TMA16: variants seen among roughly 807,000 people sequenced by gnomAD.
TMA16 encodes the protein translation machinery associated 16 homolog.
In TMA16, 26 loss-of-function variants were observed where a neutral mutation model predicts 27.1. That is an observed-to-expected ratio of 0.96 (90% CI 0.70 to 1.33). The LOEUF (loss-of-function observed/expected upper bound fraction) is 1.33. TMA16 is among the 40% of genes most tolerant of loss of function. The pLI is 0.00. For synonymous variants in TMA16, 71 were observed against 81.9 expected, an observed-to-expected ratio of 0.87 and a Z score of 0.72; for missense variants, 233 against 241.4, an observed-to-expected ratio of 0.97 and a Z score of 0.23.
chr4:163,508,529 A>G (rs1392210889), intron 2 of TMA16, among the ~76,000 whole-genome samples: 1 of 152,190 alleles, frequency 6.6e-6, no homozygotes. Context: ...TAACTTTTGT[A>G]TATGTTTGGT....
intron 5 of TMA16, 57 bp downstream of exon 5, chr4:163,515,518 A>ATTGATTTCAAAGGT (rs1359547396): frequency 6.8e-6 from 10 of 1,460,708 alleles, no homozygotes; most frequent in Non-Finnish European, 8.2e-6. Context: ...TCAATTTGTG[A>ATTGATTTCAAAGGT]TTGATTTCAA....
intron 1 of TMA16, among the ~76,000 whole-genome samples, chr4:163,495,166 G>A (rs1487171300): frequency 6.6e-6 from 1 of 152,172 alleles, no homozygotes; most frequent in Non-Finnish European, 1.5e-5. Context: ...ACACACCTCT[G>A]CCTCTCTGGC....
rs560458426 is a variant in TMA16 at position 163,515,689 on chromosome 4, C to T, written c.388+228C>T. On this transcript the variant is annotated intron_variant, in intron 5 of 6. Coordinates refer to ENST00000358572, the MANE Select transcript of TMA16 (RefSeq NM_018352.3). ...TGATGTGACATCATGTCTTTTTTAC[C>T]GTGATAGTAATACTGATTACTTTCA... 32 of 453,446 alleles carry T rather than the reference C, an allele frequency of 7.1e-5. 1 individual carries two copies. Among genetic ancestry groups the T allele is most frequent in the South Asian group, 1.6e-4 (6 of 38,016 alleles). 28.1% of individuals were successfully genotyped at this position (453,446 alleles called of 1,614,324 possible).
At chr4:163,517,400 T>C (rs762505962) in intron 5 of TMA16, 34 bp from the exon 6 acceptor site, 1 of 1,572,072 alleles carries the variant, frequency 6.4e-7, no homozygotes. Context: ...TTAGAAAACA[T>C]TGCCTCATGG....
intron 5 of TMA16, chr4:163,517,177 C>T (rs1737893220): frequency 2.5e-6 from 1 of 401,334 alleles, no homozygotes; most frequent in Admixed American, 4.3e-5. Context: ...GCTGGGATTA[C>T]AGGCATGAGC....
chr4:163,500,729 A>G (rs1737638307), intron 1 of TMA16, among the ~76,000 whole-genome samples: 1 of 152,186 alleles, frequency 6.6e-6, no homozygotes, highest in African/African-American at 2.4e-5. Flanking sequence ...CCAGGCCAAC[A>G]AGAAAATCTG....
At chr4:163,517,623 T>A in intron 6 of TMA16, 147 bp downstream of exon 6, 1 of 656,804 alleles carries the variant, frequency 1.5e-6, no homozygotes, top group East Asian at 2.9e-5. Context: ...AGTAAGAATT[T>A]TCTGAAGTTG....
chr4:163,514,053 C>G, intron 3 of TMA16, 21 bp from the exon 4 acceptor site: 2 of 1,571,602 alleles, frequency 1.3e-6, no homozygotes, highest in Non-Finnish European at 1.7e-6. Context: ...GGTAAACTGT[C>G]TTGGTACTTG....
chr4:163,517,566 T>C (rs1396064128), intron 6 of TMA16, 90 bp downstream of exon 6: 10 of 1,214,286 alleles, frequency 8.2e-6, no homozygotes, highest in Non-Finnish European at 1.2e-5. Flanking sequence ...CCGGTAGAAC[T>C]AAAAGAAAAT....
chr4:163,498,019 A>G (rs941255811), intron 1 of TMA16, among the ~76,000 whole-genome samples: 2 of 152,166 alleles, frequency 1.3e-5, no homozygotes, highest in African/African-American at 4.8e-5. Context: ...GGTATACTGG[A>G]CACCTTAGTC....
At chr4:163,512,880 GA>G (rs756731909) in intron 3 of TMA16, 21 bp downstream of exon 3, 1 of 1,598,028 alleles carries the variant, frequency 6.3e-7, no homozygotes. Context: ...TTACTTATTT[GA>G]AACTCTGGCT....
intron 1 of TMA16, among the ~76,000 whole-genome samples, chr4:163,505,823 C>A (rs148371770): frequency 6.6e-6 from 1 of 152,146 alleles, no homozygotes; most frequent in African/African-American, 2.4e-5. Context: ...GAAGAAAGGA[C>A]TAGTGGGGAG....
At position 163,519,437 on chromosome 4, in the gene TMA16, G is replaced by A. The variant is rs371690569; in HGVS notation, c.535G>A (p.Val179Ile). ...GTGCAAGAGGAAAACTATTATAACT[G>A]TAGACCAAGATTTGGGGGAATTGGA... ...KTCKRKTIIT[V>I]DQDLGELELN... The change falls in exon 7 of 7, where the codon GTA (valine) becomes ATA (isoleucine). Residue 179 changes from valine (V) to isoleucine (I), a missense_variant. By Grantham distance (29) the Val-to-Ile change is conservative. Transcript: ENST00000358572. 6.2e-7 allele frequency: 1 copy of A among 1,606,270 alleles called. No homozygotes were observed. The highest frequency in any genetic ancestry group is 1.3e-5 in the African/African-American group (1 of 74,446).
intron 4 of TMA16, among the ~76,000 whole-genome samples, chr4:163,514,846 G>A (rs1239457880): frequency 4.6e-5 from 7 of 152,164 alleles, no homozygotes; most frequent in Non-Finnish European, 1.0e-4. Flanking sequence ...AGATTCCAAA[G>A]AAATTAAGAA....
chr4:163,507,998 A>G (rs561399803), intron 2 of TMA16, among the ~76,000 whole-genome samples: 1 of 152,178 alleles, frequency 6.6e-6, no homozygotes, highest in Non-Finnish European at 1.5e-5. Context: ...CTAGAAGGAA[A>G]TAAGTGTTGT....
chr4:163,498,938 C>T (rs541134109), intron 1 of TMA16, among the ~76,000 whole-genome samples: 20 of 152,164 alleles, frequency 1.3e-4, no homozygotes, highest in Non-Finnish European at 2.8e-4. Context: ...AGATAGTGGG[C>T]AGAAGCCACT....
chr4:163,516,164 GT>G (rs1189901712), intron 5 of TMA16: 1 of 152,252 alleles, frequency 6.6e-6, no homozygotes, highest in African/African-American at 2.4e-5. Context: ...CACATCCAAA[GT>G]AAACCATTTG....
intron 1 of TMA16, among the ~76,000 whole-genome samples, chr4:163,496,216 T>C (rs373471730): frequency 6.6e-6 from 1 of 152,148 alleles, no homozygotes; most frequent in East Asian, 1.9e-4. Context: ...AAGGACAGAG[T>C]TGGGCACCTG....
At chr4:163,495,576 G>T (rs1411397332) in intron 1 of TMA16, among the ~76,000 whole-genome samples, 1 of 151,972 alleles carries the variant, frequency 6.6e-6, no homozygotes, top group African/African-American at 2.4e-5. Flanking sequence ...TATTTTTTAC[G>T]TAATCGTTGT....
Sources: gnomAD v4.1 joint callset for allele counts (sites outside exome capture counted in the v4.1 genomes callset) on GRCh38, gnomAD v4.1.1 for gene constraint, MANE v1.5 for transcripts, NCBI Gene and HGNC (gene_info 2026-07-23, HGNC 2026-07-21) for gene names.